The following FBXO21 variants were observed in gnomAD, a reference collection of about 807,000 sequenced individuals.
FBXO21 encodes F-box only protein 21.
A neutral mutation model predicts 76.6 loss-of-function variants in FBXO21; 32 were observed. That is an observed-to-expected ratio of 0.42 (90% CI 0.32 to 0.56). FBXO21 has a LOEUF of 0.56. Among genes scored for constraint, FBXO21 ranks in the 20% least tolerant of loss-of-function variants. FBXO21 has a pLI of 0.16. For synonymous variants in FBXO21, 328 were observed against 311.5 expected, an observed-to-expected ratio of 1.05 and a Z score of -0.56; for missense variants, 586 against 797.3, an observed-to-expected ratio of 0.73 and a Z score of 3.19.
At chr12:117,166,336 G>A (rs1325070532) in intron 8 of FBXO21, among the ~76,000 whole-genome samples, 2 of 152,158 alleles carry the variant, frequency 1.3e-5, no homozygotes, top group Non-Finnish European at 2.9e-5. Context: ...CACCAAGAGT[G>A]AACCCTCAGT....
intron 9 of FBXO21, among the ~76,000 whole-genome samples, chr12:117,161,256 C>T (rs149532751): frequency 6.6e-6 from 1 of 152,150 alleles, no homozygotes; most frequent in East Asian, 1.9e-4. Context: ...AGCAGAGGCC[C>T]TGGGCAGACA....
At chr12:117,158,476 T>C (rs1359394902) in intron 9 of FBXO21, among the ~76,000 whole-genome samples, 2 of 152,064 alleles carry the variant, frequency 1.3e-5, no homozygotes, top group Admixed American at 6.6e-5. Flanking sequence ...GTTTTTTCAA[T>C]ACACAGGAAT....
In FBXO21 at chr12:117,146,100, T is replaced by C; in HGVS notation, c.1853A>G (p.Asn618Ser). ...VQNIYSAKKE[N>S]IDE Reference sequence around the variant, plus strand: ...CCTCTCTAGACTTTACTCATCTATGTTCTCTTTCTTTGCACTGTAAATATT... The same window carrying C: ...CCTCTCTAGACTTTACTCATCTATGCTCTCTTTCTTTGCACTGTAAATATT... Residue 618 changes from asparagine (N) to serine (S), a missense_variant, in exon 12 of 12, where the codon AAC becomes AGC. Asn to Ser is a conservative substitution (Grantham distance 46). Around this residue, in one of 6 missense-constraint regions of FBXO21, gnomAD observed 164 missense variants for 236.7 expected, o/e 0.69. Coordinates refer to ENST00000622495, the MANE Select transcript of FBXO21 (RefSeq NM_015002.3). 6.2e-7 allele frequency: 1 copy of C among 1,601,916 alleles called. No homozygotes were observed. Among genetic ancestry groups the C allele is most frequent in the Non-Finnish European group, 8.5e-7 (1 of 1,175,640 alleles).
At chr12:117,178,400 T>C (rs1956194937) in intron 3 of FBXO21, among the ~76,000 whole-genome samples, 2 of 152,142 alleles carry the variant, frequency 1.3e-5, no homozygotes. Flanking sequence ...GCTTCAGACC[T>C]GGCCCCTCCA....
chr12:117,176,356 T>C (rs1401887309), intron 4 of FBXO21, among the ~76,000 whole-genome samples: 1 of 152,092 alleles, frequency 6.6e-6, no homozygotes, highest in Non-Finnish European at 1.5e-5. Context: ...AGGGATATCA[T>C]GAATGAGGAA....
At chr12:117,182,564 CTTTTTTTTTTT>C (rs891529583) in intron 3 of FBXO21, among the ~76,000 whole-genome samples, 1,393 of 83,390 alleles carry the variant, frequency 0.017, 28 homozygotes, top group Non-Finnish European at 0.021. Flanking sequence ...GCAAGAGGAT[CTTTTTTTTTTT>C]TTTTTTTTTT....
intron 3 of FBXO21, among the ~76,000 whole-genome samples, chr12:117,178,218 G>A (rs1373574183): frequency 1.3e-5 from 2 of 152,048 alleles, no homozygotes; most frequent in Non-Finnish European, 2.9e-5. Flanking sequence ...TAAAACCTGC[G>A]AGTCATCCTG....
At position 117,155,866 on chromosome 12, in the gene FBXO21, T is replaced by C; in HGVS notation, c.1600A>G (p.Ser534Gly). ...HEWIRNMNVHSLPHGHHQPFY... is the reference protein window; with the variant it reads ...HEWIRNMNVHGLPHGHHQPFY... ...GGCTGGTGGTGGCCGTGCGGCAGGC[T>C]GTGGACGTTCATGTTCCGGATCCAC... The change falls in exon 11 of 12, where the codon AGC becomes GGC. Residue 534 changes from serine (S) to glycine (G), a missense_variant. Ser to Gly is a moderately conservative substitution (Grantham distance 56). This residue lies in a region of FBXO21 where 164 missense variants were observed against 236.7 expected (regional missense o/e 0.69). Transcript: ENST00000622495. 6.2e-7 allele frequency: 1 copy of C among 1,614,204 alleles called. No homozygotes were observed. The highest frequency in any genetic ancestry group is 8.5e-7 in the Non-Finnish European group (1 of 1,180,016).
intron 11 of FBXO21, among the ~76,000 whole-genome samples, chr12:117,151,491 C>T (rs1176990436): frequency 6.6e-6 from 1 of 152,158 alleles, no homozygotes; most frequent in African/African-American, 2.4e-5. Context: ...TGAATGGGTT[C>T]TACCTGGGCT....
At chr12:117,163,428 G>C (rs1956008753) in intron 9 of FBXO21, among the ~76,000 whole-genome samples, 1 of 152,170 alleles carries the variant, frequency 6.6e-6, no homozygotes, top group African/African-American at 2.4e-5. Context: ...AGCCACTTGG[G>C]AGGCTGAGGC....
intron 9 of FBXO21, among the ~76,000 whole-genome samples, chr12:117,161,379 G>A (rs1371137346): frequency 1.3e-5 from 2 of 151,992 alleles, no homozygotes; most frequent in East Asian, 3.9e-4. Context: ...GGCAAGCAGG[G>A]CCAGACCGCC....
At chr12:117,185,628 G>A (rs569447834) in intron 3 of FBXO21, among the ~76,000 whole-genome samples, 1 of 152,298 alleles carries the variant, frequency 6.6e-6, no homozygotes, top group Admixed American at 6.5e-5. Flanking sequence ...TTGATCAAGT[G>A]AGTCCCTAAG....
chr12:117,171,880 C>G (rs1315867345), intron 7 of FBXO21, among the ~76,000 whole-genome samples: 1 of 151,984 alleles, frequency 6.6e-6, no homozygotes, highest in Non-Finnish European at 1.5e-5. Flanking sequence ...AGCTTTTTGC[C>G]CTACAGAGCA....
At chr12:117,189,863 G>A (rs1956326519) in intron 1 of FBXO21, among the ~76,000 whole-genome samples, 1 of 152,188 alleles carries the variant, frequency 6.6e-6, no homozygotes, top group Non-Finnish European at 1.5e-5. Context: ...AACCAGCCCG[G>A]GGATGCTGCG....
At chr12:117,165,388 C>G (rs138039100) in intron 9 of FBXO21, 97 bp downstream of exon 9, 3 of 1,220,932 alleles carry the variant, frequency 2.5e-6, no homozygotes, top group Non-Finnish European at 3.4e-6. Flanking sequence ...TGTGTTTATT[C>G]CCCATGTTAA....
chr12:117,171,554 A>G (rs555659679), intron 7 of FBXO21, among the ~76,000 whole-genome samples: 1 of 152,146 alleles, frequency 6.6e-6, no homozygotes, highest in East Asian at 1.9e-4. Flanking sequence ...TCTCCTGGGT[A>G]TATAATATAC....
At position 117,144,201 on chromosome 12, in the gene FBXO21, A is replaced by C. The variant is rs1955743372; in HGVS notation, c.*1886T>G. 1 of 152,264 alleles carries C rather than the reference A, an allele frequency of 6.6e-6. No individual in the cohort carries two copies. The allele number at this position is 152,264 out of a possible 1,614,324, so 9.4% of individuals were successfully genotyped here. On this transcript the variant is annotated 3_prime_UTR_variant, in exon 12 of 12. Transcript: ENST00000622495. ...ATCAAACCAGAAAACCAACAATTGC[A>C]ACTCTCAGCATGCTCAGGTTCTTAT...
intron 7 of FBXO21, 25 bp downstream of exon 7, chr12:117,172,446 C>G (rs754162118): frequency 6.2e-7 from 1 of 1,604,924 alleles, no homozygotes; most frequent in Non-Finnish European, 8.5e-7. Flanking sequence ...TTCAGGACCA[C>G]AGATAATGTG....
At chr12:117,187,125 T>C (rs553577782) in intron 2 of FBXO21, among the ~76,000 whole-genome samples, 1 of 136,146 alleles carries the variant, frequency 7.3e-6, no homozygotes. Context: ...TTAAAAAAAA[T>C]AAAAAGGCGG....
Sources: gnomAD v4.1 joint callset for allele counts (sites outside exome capture counted in the v4.1 genomes callset) on GRCh38, gnomAD v4.1.1 for gene constraint, gnomAD v4.1.1 regional missense constraint, MANE v1.5 for transcripts, NCBI Gene and HGNC (gene_info 2026-07-23, HGNC 2026-07-21) for gene names.